HYCC1: variants seen among roughly 807,000 people sequenced by gnomAD.
HYCC1 encodes the protein hyccin PI4KA lipid kinase complex subunit 1.
the HYCC1 span, among the ~76,000 whole-genome samples, chr7:22,906,677 A>C: frequency 2.0e-5 from 3 of 152,140 alleles, no homozygotes; most frequent in Admixed American, 2.0e-4. Context: ...AAGAAAGATA[A>C]ATATGTAATA....
At chr7:22,927,686 A>C in the HYCC1 span, among the ~76,000 whole-genome samples, 1 of 152,254 alleles carries the variant, frequency 6.6e-6, no homozygotes, top group South Asian at 2.1e-4. Context: ...AATTGAGGCA[A>C]TAATTAATAG....
the HYCC1 span, among the ~76,000 whole-genome samples, chr7:22,958,851 G>A: frequency 6.6e-6 from 1 of 152,092 alleles, no homozygotes; most frequent in East Asian, 1.9e-4. Context: ...TAAATAGCAA[G>A]AAGGAAAGTG....
chr7:22,929,439 T>G, the HYCC1 span, among the ~76,000 whole-genome samples: 17 of 151,976 alleles, frequency 1.1e-4, no homozygotes, highest in Non-Finnish European at 1.9e-4. Context: ...TGCAACCTAC[T>G]CAATCTGACA....
the HYCC1 span, among the ~76,000 whole-genome samples, chr7:23,008,434 AATG>A: frequency 6.6e-6 from 1 of 152,064 alleles, no homozygotes; most frequent in Non-Finnish European, 1.5e-5. Flanking sequence ...GACTTCAATA[AATG>A]ATAACATTGT....
the HYCC1 span, among the ~76,000 whole-genome samples, chr7:23,006,148 G>A: frequency 6.6e-6 from 1 of 152,168 alleles, no homozygotes; most frequent in South Asian, 2.1e-4. Context: ...CAGTCTGGGT[G>A]TGCTGATTAT....
the HYCC1 span, among the ~76,000 whole-genome samples, chr7:22,931,207 G>C: frequency 7.5e-6 from 1 of 133,708 alleles, no homozygotes; most frequent in Non-Finnish European, 1.5e-5. Flanking sequence ...TAATGACAGA[G>C]ACAGAATGGA....
At chr7:22,908,357 T>C in the HYCC1 span, among the ~76,000 whole-genome samples, 469 of 152,326 alleles carry the variant, frequency 3.1e-3, 3 homozygotes, top group African/African-American at 0.01. Flanking sequence ...TTACATTTTC[T>C]TGTATGGCAC....
chr7:23,009,519 T>C, the HYCC1 span, among the ~76,000 whole-genome samples: 1 of 152,148 alleles, frequency 6.6e-6, no homozygotes, highest in East Asian at 1.9e-4. Flanking sequence ...CAATGCCAAA[T>C]AATATTTGGA....
At chr7:22,989,540 G>T in the HYCC1 span, among the ~76,000 whole-genome samples, 1 of 148,468 alleles carries the variant, frequency 6.7e-6, no homozygotes, top group African/African-American at 2.5e-5. Context: ...TTTTTTTTTG[G>T]AGAGAGGGGG....
At chr7:22,945,076 C>A in the HYCC1 span, 2 of 159,830 alleles carry the variant, frequency 1.3e-5, no homozygotes, top group Non-Finnish European at 2.7e-5. Context: ...TTTCCACATG[C>A]CTGTTTTCAG....
At chr7:22,920,702 A>G in the HYCC1 span, among the ~76,000 whole-genome samples, 1 of 152,192 alleles carries the variant, frequency 6.6e-6, no homozygotes, top group Admixed American at 6.5e-5. Context: ...GTAAAGGTAA[A>G]AATATATACC....
chr7:22,945,376 A>T, the HYCC1 span: 3 of 583,744 alleles, frequency 5.1e-6, no homozygotes, highest in Non-Finnish European at 9.1e-6. Flanking sequence ...ACTCAAACCA[A>T]GGGGAAAAAA....
At chr7:22,947,798 C>T in the HYCC1 span, among the ~76,000 whole-genome samples, 6 of 151,982 alleles carry the variant, frequency 3.9e-5, no homozygotes, top group African/African-American at 1.4e-4. Context: ...TGGGAAAATG[C>T]TTATTCATAT....
chr7:22,947,883 ATT>A, the HYCC1 span, among the ~76,000 whole-genome samples: 2 of 152,138 alleles, frequency 1.3e-5, no homozygotes. Flanking sequence ...AACAGTAAGT[ATT>A]AATGTGGCTG....
At chr7:23,013,023 T>C in the HYCC1 span, among the ~76,000 whole-genome samples, 1 of 152,114 alleles carries the variant, frequency 6.6e-6, no homozygotes, top group East Asian at 1.9e-4. Flanking sequence ...CTTGTGATAG[T>C]GTATTTCTCA....
the HYCC1 span, among the ~76,000 whole-genome samples, chr7:22,986,472 T>C: frequency 2.6e-5 from 4 of 152,264 alleles, no homozygotes; most frequent in Non-Finnish European, 5.9e-5. Flanking sequence ...TCTTAAATAC[T>C]AGCTTAGCTT....
chr7:22,935,921 TTA>T, the HYCC1 span: 1 of 150,648 alleles, frequency 6.6e-6, no homozygotes, highest in Non-Finnish European at 1.5e-5. Context: ...AGTGCTGGGA[TTA>T]TAGGCATAAG....
the HYCC1 span, among the ~76,000 whole-genome samples, chr7:22,952,332 G>T: frequency 1.3e-5 from 2 of 152,088 alleles, no homozygotes; most frequent in East Asian, 1.9e-4. Flanking sequence ...TTAAGCTGAG[G>T]TTTGAATGAT....
chr7:22,976,657 T>A, the HYCC1 span: 1 of 1,242,082 alleles, frequency 8.1e-7, no homozygotes, highest in Admixed American at 1.7e-5. Context: ...AAAAAATTAG[T>A]GGATTAAGAT....
Sources: gnomAD v4.1 joint callset for allele counts (sites outside exome capture counted in the v4.1 genomes callset) on GRCh38, gnomAD v4.1.1 for gene constraint, MANE v1.5 for transcripts, NCBI Gene and HGNC (gene_info 2026-07-23, HGNC 2026-07-21) for gene names.